CERT1: variants seen among roughly 807,000 people sequenced by gnomAD.
CERT1 encodes the protein ceramide transporter 1.
A neutral mutation model predicts 87.9 loss-of-function variants in CERT1; 31 were observed. That is an observed-to-expected ratio of 0.35 (90% CI 0.27 to 0.48). CERT1 has a LOEUF of 0.48. CERT1 is among the 20% of genes least tolerant of loss of function. The pLI is 0.99. For synonymous variants in CERT1, 289 were observed against 250.9 expected, an observed-to-expected ratio of 1.15 and a Z score of -1.44; for missense variants, 487 against 758.0, an observed-to-expected ratio of 0.64 and a Z score of 4.20.
chr5:75,421,924 A>G (rs1052776933), intron 5 of CERT1, among the ~76,000 whole-genome samples: 4 of 152,152 alleles, frequency 2.6e-5, no homozygotes, highest in African/African-American at 9.7e-5. Context: ...GTTTTCTTGG[A>G]AAACTCAAAA....
intron 8 of CERT1, among the ~76,000 whole-genome samples, chr5:75,407,120 GA>G (rs1018565354): frequency 6.6e-6 from 1 of 151,626 alleles, no homozygotes; most frequent in Non-Finnish European, 1.5e-5. Context: ...AACTTAGTGA[GA>G]AAAAAAATAA....
chr5:75,494,246 T>C (rs1580852051), intron 2 of CERT1, among the ~76,000 whole-genome samples: 1 of 152,200 alleles, frequency 6.6e-6, no homozygotes, highest in Non-Finnish European at 1.5e-5. Context: ...GATAATCTAG[T>C]TGGGCTACTT....
chr5:75,412,919 A>T (rs1762989020), intron 7 of CERT1, among the ~76,000 whole-genome samples: 1 of 152,218 alleles, frequency 6.6e-6, no homozygotes. Flanking sequence ...TTCTTCCTTC[A>T]ATAACAACCT....
chr5:75,477,153 T>C (rs574509598), intron 2 of CERT1, among the ~76,000 whole-genome samples: 1 of 152,308 alleles, frequency 6.6e-6, no homozygotes, highest in East Asian at 1.9e-4. Context: ...TTTCCCCCCT[T>C]TAAAACTGAC....
chr5:75,423,596 C>G (rs780960955), intron 5 of CERT1, among the ~76,000 whole-genome samples: 1 of 152,062 alleles, frequency 6.6e-6, no homozygotes, highest in East Asian at 1.9e-4. Context: ...TAAAAATTAA[C>G]CAGATATGAC....
At chr5:75,441,955 C>T (rs959386638) in intron 3 of CERT1, among the ~76,000 whole-genome samples, 1 of 152,110 alleles carries the variant, frequency 6.6e-6, no homozygotes, top group South Asian at 2.1e-4. Context: ...TTCCATTTTT[C>T]ATTTTTTGAG....
At chr5:75,393,891 G>A (rs1019917824) in intron 11 of CERT1, among the ~76,000 whole-genome samples, 4 of 151,848 alleles carry the variant, frequency 2.6e-5, no homozygotes, top group Non-Finnish European at 4.4e-5. Context: ...CTTGAACCCG[G>A]GAGGCGGAGG....
At chr5:75,417,070 T>G (rs372164657) in intron 6 of CERT1, 37 bp from the exon 7 acceptor site, 2 of 1,413,292 alleles carry the variant, frequency 1.4e-6, no homozygotes, top group Non-Finnish European at 9.9e-7. Context: ...ATATCTCTAA[T>G]GAGGAAATAA....
intron 5 of CERT1, among the ~76,000 whole-genome samples, chr5:75,424,939 C>G (rs1033298351): frequency 6.6e-6 from 1 of 151,880 alleles, no homozygotes; most frequent in Non-Finnish European, 1.5e-5. Flanking sequence ...ATAGTGAGAC[C>G]CCCGTCTCTA....
chr5:75,501,423 A>T (rs1767363491), intron 2 of CERT1, among the ~76,000 whole-genome samples: 1 of 152,248 alleles, frequency 6.6e-6, no homozygotes, highest in Non-Finnish European at 1.5e-5. Flanking sequence ...TTAAAAGTTC[A>T]ACAAGATATG....
chr5:75,455,073 G>T (rs894454518), intron 3 of CERT1, among the ~76,000 whole-genome samples: 2 of 152,126 alleles, frequency 1.3e-5, no homozygotes, highest in East Asian at 3.8e-4. Context: ...TCTGAATCCC[G>T]GTGAAACCAT....
Position 75,511,350 on chromosome 5 carries a change from G to C in CERT1, c.-143C>G. 2 of 1,542,786 alleles carry C rather than the reference G, an allele frequency of 1.3e-6. No homozygotes were observed. The highest frequency in any genetic ancestry group is 1.7e-6 in the Non-Finnish European group (2 of 1,145,858). On this transcript the variant is annotated 5_prime_UTR_variant, in exon 1 of 17. Transcript: ENST00000643780. ...TGTGGGGGGGAGCAGGAGGAGGGAC[G>C]AAGTCCGCCCGCCGCGCCGCCGCCG...
At chr5:75,384,406 A>T (rs77856529) in intron 14 of CERT1, among the ~76,000 whole-genome samples, 2,366 of 152,332 alleles carry the variant, frequency 0.016, 61 homozygotes, top group African/African-American at 0.054. Context: ...CTAACCGTTG[A>T]TCTTTATCAA....
At chr5:75,498,837 C>G (rs1451974239) in intron 2 of CERT1, among the ~76,000 whole-genome samples, 2 of 152,214 alleles carry the variant, frequency 1.3e-5, no homozygotes, top group Non-Finnish European at 2.9e-5. Context: ...CCACTGTCCT[C>G]CAGATCCCAG....
chr5:75,410,955 C>T, intron 8 of CERT1, 56 bp downstream of exon 8: 2 of 935,890 alleles, frequency 2.1e-6, no homozygotes, highest in Non-Finnish European at 3.3e-6. Context: ...TAAAAAATCA[C>T]TTTTGTGATA....
intron 1 of CERT1, among the ~76,000 whole-genome samples, chr5:75,510,554 C>T (rs772071189): frequency 2.0e-5 from 3 of 152,184 alleles, no homozygotes; most frequent in Non-Finnish European, 4.4e-5. Flanking sequence ...TTCAATATCT[C>T]TATTCTGAAC....
intron 1 of CERT1, among the ~76,000 whole-genome samples, chr5:75,507,085 T>C (rs1475153425): frequency 6.6e-6 from 1 of 152,232 alleles, no homozygotes; most frequent in Non-Finnish European, 1.5e-5. Flanking sequence ...TTTTCTGTTC[T>C]CTAATTAAGC....
intron 7 of CERT1, among the ~76,000 whole-genome samples, chr5:75,415,156 ATACT>A (rs1295747426): frequency 6.6e-6 from 1 of 152,172 alleles, no homozygotes; most frequent in Non-Finnish European, 1.5e-5. Context: ...GAACACACAC[ATACT>A]GTGTGTACAC....
intron 5 of CERT1, among the ~76,000 whole-genome samples, chr5:75,424,018 GT>G (rs1763497184): frequency 6.6e-6 from 1 of 152,112 alleles, no homozygotes; most frequent in African/African-American, 2.4e-5. Flanking sequence ...ACTTAGTCCT[GT>G]TTGGTAATAA....
Sources: gnomAD v4.1 joint callset for allele counts (sites outside exome capture counted in the v4.1 genomes callset) on GRCh38, gnomAD v4.1.1 for gene constraint, MANE v1.5 for transcripts, NCBI Gene and HGNC (gene_info 2026-07-23, HGNC 2026-07-21) for gene names.